MLLT3: variants seen among roughly 807,000 people sequenced by gnomAD.
MLLT3 encodes protein AF-9.
A neutral mutation model predicts 53.2 loss-of-function variants in MLLT3; 4 were observed. That is an observed-to-expected ratio of 0.08 (90% confidence interval 0.04 to 0.17). MLLT3 has a LOEUF of 0.17. MLLT3 is among the 10% of genes least tolerant of loss of function. The pLI is 1.00. For synonymous variants in MLLT3, 283 were observed against 230.6 expected, an observed-to-expected ratio of 1.23 and a Z score of -2.06; for missense variants, 569 against 684.0, an observed-to-expected ratio of 0.83 and a Z score of 1.87.
At chr9:20,560,787 T>C (rs1034596718) in intron 2 of MLLT3, among the ~76,000 whole-genome samples, 4 of 152,126 alleles carry the variant, frequency 2.6e-5, no homozygotes, top group Non-Finnish European at 4.4e-5. Context: ...TTTTCTTTCA[T>C]TGATACATAA....
intron 2 of MLLT3, among the ~76,000 whole-genome samples, chr9:20,515,846 G>A (rs954201715): frequency 1.3e-5 from 2 of 152,116 alleles, no homozygotes; most frequent in Admixed American, 6.5e-5. Context: ...CAAAGCTCAA[G>A]CACAGACCGC....
At chr9:20,380,187 T>G (rs1276203660) in intron 5 of MLLT3, 4 of 151,960 alleles carry the variant, frequency 2.6e-5, no homozygotes, top group Non-Finnish European at 5.9e-5. Context: ...TTTTTTAAAA[T>G]GGGACTGAAA....
intron 2 of MLLT3, among the ~76,000 whole-genome samples, chr9:20,513,664 G>A (rs955551045): frequency 6.6e-6 from 1 of 152,174 alleles, no homozygotes; most frequent in Non-Finnish European, 1.5e-5. Context: ...GGTACGGGGG[G>A]TCAGTCAAGT....
chr9:20,414,840 G>T (rs1435354074), intron 4 of MLLT3, among the ~76,000 whole-genome samples: 1 of 152,254 alleles, frequency 6.6e-6, no homozygotes, highest in African/African-American at 2.4e-5. Context: ...AGCATGGGGC[G>T]AAGAATAATT....
chr9:20,560,983 T>C (rs922921234), intron 2 of MLLT3, among the ~76,000 whole-genome samples: 1 of 152,184 alleles, frequency 6.6e-6, no homozygotes, highest in African/African-American at 2.4e-5. Flanking sequence ...TCAAATGTTA[T>C]ATCTATAAAT....
At chr9:20,528,232 A>G (rs747957641) in intron 2 of MLLT3, among the ~76,000 whole-genome samples, 2 of 152,256 alleles carry the variant, frequency 1.3e-5, no homozygotes, top group African/African-American at 2.4e-5. Flanking sequence ...GTGTGTGTAT[A>G]AATATATCCA....
chr9:20,568,033 T>G (rs1819427937), intron 2 of MLLT3, among the ~76,000 whole-genome samples: 1 of 152,130 alleles, frequency 6.6e-6, no homozygotes, highest in Non-Finnish European at 1.5e-5. Context: ...TTAATAAACC[T>G]TAGTTAAGAA....
chr9:20,447,169 G>A (rs1441215316), intron 4 of MLLT3, among the ~76,000 whole-genome samples: 1 of 152,066 alleles, frequency 6.6e-6, no homozygotes, highest in Non-Finnish European at 1.5e-5. Flanking sequence ...ATCCAATAAA[G>A]AAAACTGTGC....
intron 2 of MLLT3, among the ~76,000 whole-genome samples, chr9:20,467,759 C>T (rs1021938758): frequency 6.6e-6 from 1 of 151,922 alleles, no homozygotes; most frequent in Non-Finnish European, 1.5e-5. Context: ...AGACTAAATA[C>T]GAAGAAAGAG....
intron 2 of MLLT3, among the ~76,000 whole-genome samples, chr9:20,461,990 C>A (rs1046117938): frequency 5.9e-5 from 9 of 152,164 alleles, no homozygotes; most frequent in African/African-American, 1.9e-4. Flanking sequence ...TGCTTCACTT[C>A]TACCACATCA....
intron 2 of MLLT3, among the ~76,000 whole-genome samples, chr9:20,486,676 C>A (rs1824823338): frequency 6.6e-6 from 1 of 152,162 alleles, no homozygotes; most frequent in Non-Finnish European, 1.5e-5. Flanking sequence ...AGACACGTGG[C>A]AACAAATGTT....
intron 4 of MLLT3, among the ~76,000 whole-genome samples, chr9:20,439,647 C>T (rs1243915194): frequency 1.1e-4 from 16 of 152,048 alleles, no homozygotes; most frequent in Admixed American, 1.0e-3. Flanking sequence ...ATGGTAAGTT[C>T]TCAACAACCA....
intron 2 of MLLT3, among the ~76,000 whole-genome samples, chr9:20,514,888 G>A (rs1386683040): frequency 2.0e-5 from 3 of 150,898 alleles, no homozygotes; most frequent in South Asian, 4.2e-4. Context: ...GTTACCACCA[G>A]TAATATCTTC....
Position 20,538,464 on chromosome 9 carries a change from T to C in MLLT3, c.194-81678A>G, listed in dbSNP as rs187179027. On this transcript the variant is annotated intron_variant, in intron 2 of 10. Transcript: ENST00000380338. ...ATTAAACAATCCCAACCTTCTTTCC[T>C]GGCTTCCAACCTCCACCTCAATATC... 2.4e-4 allele frequency among the ~76,000 whole-genome samples: 37 copies of C among 152,356 alleles called. No homozygotes were observed. In the East Asian group the frequency reaches 6.6e-3, roughly 27 times the overall value.
chr9:20,476,900 G>C (rs971669726), intron 2 of MLLT3, among the ~76,000 whole-genome samples: 2 of 152,078 alleles, frequency 1.3e-5, no homozygotes, highest in Non-Finnish European at 2.9e-5. Flanking sequence ...ATACGTTAAG[G>C]AATCTATCCT....
At chr9:20,395,390 T>A (rs1335480094) in intron 5 of MLLT3, among the ~76,000 whole-genome samples, 3 of 152,146 alleles carry the variant, frequency 2.0e-5, no homozygotes, top group African/African-American at 7.2e-5. Context: ...CCTGGAGGCT[T>A]TACAAGACCA....
intron 5 of MLLT3, chr9:20,380,124 A>T (rs946436703): frequency 1.3e-5 from 2 of 151,936 alleles, no homozygotes; most frequent in Non-Finnish European, 2.9e-5. Context: ...TACGGCCTTT[A>T]TTCACTTGGG....
At chr9:20,543,784 C>T (rs542998858) in intron 2 of MLLT3, among the ~76,000 whole-genome samples, 31 of 151,824 alleles carry the variant, frequency 2.0e-4, no homozygotes, top group African/African-American at 7.5e-4. Context: ...AGGAAAAAAA[C>T]TGAAAACATT....
intron 2 of MLLT3, among the ~76,000 whole-genome samples, chr9:20,573,022 G>C (rs1015978918): frequency 7.1e-4 from 108 of 152,102 alleles, no homozygotes; most frequent in African/African-American, 2.5e-3. Context: ...TACTGACTAG[G>C]AGACTTAATG....
Sources: allele counts gnomAD v4.1 joint callset (sites outside exome capture counted in the v4.1 genomes callset), GRCh38; gene constraint gnomAD v4.1.1; transcripts MANE v1.5; gene names NCBI Gene and HGNC (gene_info 2026-07-23, HGNC 2026-07-21).